The following ZNF385B variants were observed in gnomAD, a reference collection of about 807,000 sequenced individuals.
ZNF385B encodes zinc finger protein 385B.
A neutral mutation model predicts 39.2 loss-of-function variants in ZNF385B; 23 were observed. The observed-to-expected ratio is 0.59, with a 90% CI of 0.42 to 0.83. The LOEUF (loss-of-function observed/expected upper bound fraction) is 0.83. Among genes scored for constraint, ZNF385B ranks in the 40% least tolerant of loss-of-function variants. The pLI is 0.00. For missense variants in ZNF385B, 552 were observed against 598.9 expected, an observed-to-expected ratio of 0.92 and a Z score of 0.82; for synonymous variants, 205 against 222.6, an observed-to-expected ratio of 0.92 and a Z score of 0.70.
chr2:179,523,829 G>T (rs574710046), intron 4 of ZNF385B, among the ~76,000 whole-genome samples: 1 of 152,106 alleles, frequency 6.6e-6, no homozygotes. Flanking sequence ...GACTTATTGT[G>T]TTGCTCAGTC....
chr2:179,647,966 T>C (rs55935953), intron 3 of ZNF385B, among the ~76,000 whole-genome samples: 12,466 of 152,036 alleles, frequency 0.082, 643 homozygotes, highest in East Asian at 0.21. Context: ...TGGGGGACCC[T>C]TGGGGACTTA....
chr2:179,761,583 G>GTT (rs1559170967), intron 3 of ZNF385B, among the ~76,000 whole-genome samples: 4 of 146,594 alleles, frequency 2.7e-5, no homozygotes, highest in African/African-American at 9.9e-5. Context: ...ATATGCAATT[G>GTT]ATTTTTTTTT....
At chr2:179,819,532 T>A (rs887432035) in intron 1 of ZNF385B, among the ~76,000 whole-genome samples, 1 of 152,204 alleles carries the variant, frequency 6.6e-6, no homozygotes, top group Non-Finnish European at 1.5e-5. Context: ...GCCTTGAAAC[T>A]TCATTCCTTC....
intron 3 of ZNF385B, among the ~76,000 whole-genome samples, chr2:179,631,437 G>C (rs1691203985): frequency 6.6e-6 from 1 of 152,014 alleles, no homozygotes; most frequent in Non-Finnish European, 1.5e-5. Context: ...ATAAGTGAAG[G>C]AAAAATAAAA....
At chr2:179,812,414 G>T (rs774554055) in intron 1 of ZNF385B, among the ~76,000 whole-genome samples, 24 of 152,168 alleles carry the variant, frequency 1.6e-4, no homozygotes, top group Non-Finnish European at 2.6e-4. Flanking sequence ...GTGGTGGACT[G>T]GATAAAGAAA....
At chr2:179,744,261 G>A (rs58383507) in intron 3 of ZNF385B, among the ~76,000 whole-genome samples, 2,972 of 151,716 alleles carry the variant, frequency 0.02, 102 homozygotes, top group African/African-American at 0.068. Context: ...AGATGAGGTT[G>A]AAGGTAAGAG....
At chr2:179,558,054 T>A (rs2061071081) in intron 3 of ZNF385B, among the ~76,000 whole-genome samples, 1 of 152,182 alleles carries the variant, frequency 6.6e-6, no homozygotes, top group Non-Finnish European at 1.5e-5. Context: ...TTTGTGTTGT[T>A]GGTTTTTATA....
chr2:179,488,386 C>T (rs1016603828), intron 5 of ZNF385B, among the ~76,000 whole-genome samples: 8 of 152,128 alleles, frequency 5.3e-5, no homozygotes, highest in African/African-American at 1.2e-4. Context: ...CCTCGTGATC[C>T]GCCCGCCTCG....
At chr2:179,537,275 C>T (rs1250807617) in intron 4 of ZNF385B, among the ~76,000 whole-genome samples, 1 of 147,328 alleles carries the variant, frequency 6.8e-6, no homozygotes, top group Non-Finnish European at 1.5e-5. Flanking sequence ...GTACTCTAGC[C>T]TGGGCAACAT....
intron 6 of ZNF385B, among the ~76,000 whole-genome samples, chr2:179,473,762 G>A (rs895277451): frequency 4.6e-5 from 7 of 152,212 alleles, no homozygotes; most frequent in South Asian, 2.1e-4. Context: ...CCACTTATGA[G>A]TGAGAAGATG....
chr2:179,593,111 A>G (rs1324300602), intron 3 of ZNF385B, among the ~76,000 whole-genome samples: 1 of 152,178 alleles, frequency 6.6e-6, no homozygotes, highest in Non-Finnish European at 1.5e-5. Context: ...ATAAAAATGG[A>G]TTACTTGCTG....
At chr2:179,555,278 G>T (rs909705082) in intron 3 of ZNF385B, among the ~76,000 whole-genome samples, 1 of 149,368 alleles carries the variant, frequency 6.7e-6, no homozygotes, top group African/African-American at 2.5e-5. Context: ...GTAAAACCAG[G>T]CAAAGTAATT....
At chr2:179,738,627 T>C (rs1485700035) in intron 3 of ZNF385B, among the ~76,000 whole-genome samples, 1 of 152,182 alleles carries the variant, frequency 6.6e-6, no homozygotes, top group Non-Finnish European at 1.5e-5. Context: ...TCTAGAATAG[T>C]GGTTTTAACT....
chr2:179,778,107 T>C (rs1013366502), intron 1 of ZNF385B, among the ~76,000 whole-genome samples: 8 of 152,160 alleles, frequency 5.3e-5, no homozygotes, highest in African/African-American at 1.9e-4. Context: ...TAGCTTTTGG[T>C]ATTCAACCAA....
intron 3 of ZNF385B, among the ~76,000 whole-genome samples, chr2:179,733,464 T>C (rs777085045): frequency 1.3e-5 from 2 of 152,204 alleles, no homozygotes; most frequent in Non-Finnish European, 2.9e-5. Flanking sequence ...TTTGTTATTC[T>C]CAAAGTGAGC....
chr2:179,765,306 CT>C (rs1196534326), intron 3 of ZNF385B, among the ~76,000 whole-genome samples: 1 of 152,074 alleles, frequency 6.6e-6, no homozygotes, highest in African/African-American at 2.4e-5. Flanking sequence ...ATAATTTATG[CT>C]GCCTAGTACA....
At chr2:179,696,779 T>C (rs1050294550) in intron 3 of ZNF385B, among the ~76,000 whole-genome samples, 2 of 152,202 alleles carry the variant, frequency 1.3e-5, no homozygotes, top group African/African-American at 2.4e-5. Flanking sequence ...TATCACTACC[T>C]GAAATCCAAC....
At chr2:179,788,319 T>C (rs1042190528) in intron 1 of ZNF385B, among the ~76,000 whole-genome samples, 1 of 152,172 alleles carries the variant, frequency 6.6e-6, no homozygotes, top group Non-Finnish European at 1.5e-5. Context: ...GGTTCTTATC[T>C]TCCCCTTGCA....
chr2:179,812,350 T>C (rs1471004895), intron 1 of ZNF385B, among the ~76,000 whole-genome samples: 1 of 152,204 alleles, frequency 6.6e-6, no homozygotes, highest in Non-Finnish European at 1.5e-5. Flanking sequence ...CACATGTTCA[T>C]TGCAGCACTG....
Sources: gnomAD v4.1 joint callset for allele counts (sites outside exome capture counted in the v4.1 genomes callset) on GRCh38, gnomAD v4.1.1 for gene constraint, MANE v1.5 for transcripts, NCBI Gene and HGNC (gene_info 2026-07-23, HGNC 2026-07-21) for gene names.